DNAJC13: variants seen among roughly 807,000 people sequenced by gnomAD.
The protein encoded by DNAJC13 is dnaJ homolog subfamily C member 13.
A neutral mutation model predicts 290.5 loss-of-function variants in DNAJC13; 75 were observed. That is an observed-to-expected ratio of 0.26 (90% CI 0.21 to 0.31). The LOEUF (loss-of-function observed/expected upper bound fraction) is 0.31, where lower values mean the gene tolerates loss of function less well. Among genes scored for constraint, DNAJC13 ranks in the 10% least tolerant of loss-of-function variants. DNAJC13 has a pLI of 1.00. For missense variants in DNAJC13, 2,260 were observed against 2,674.5 expected (o/e 0.85, Z 3.42); for synonymous variants, 862 against 892.0 (o/e 0.97, Z 0.60).
chr3:132,454,857 C>G (rs1049978166), intron 9 of DNAJC13, among the ~76,000 whole-genome samples: 1 of 151,990 alleles, frequency 6.6e-6, no homozygotes, highest in African/African-American at 2.4e-5. Flanking sequence ...TTGTGAGATG[C>G]TTTATGTACG....
At chr3:132,442,230 C>G (rs1451146099) in intron 2 of DNAJC13, among the ~76,000 whole-genome samples, 1 of 151,814 alleles carries the variant, frequency 6.6e-6, no homozygotes, top group Non-Finnish European at 1.5e-5. Context: ...TCTTGGGGCT[C>G]AAGTGATCCT....
chr3:132,512,177 A>T (rs1388951819), intron 44 of DNAJC13, among the ~76,000 whole-genome samples: 1 of 152,166 alleles, frequency 6.6e-6, no homozygotes, highest in Non-Finnish European at 1.5e-5. Context: ...GGAACTTGTA[A>T]AGAGTTGAAG....
At chr3:132,508,049 C>G (rs75829362) in intron 43 of DNAJC13, among the ~76,000 whole-genome samples, 13 of 152,220 alleles carry the variant, frequency 8.5e-5, no homozygotes, top group African/African-American at 2.9e-4. Context: ...ATTGAAACAG[C>G]CTTATTGCTG....
At position 132,533,333 on chromosome 3, in the gene DNAJC13, C is replaced by CTTTTTT. The variant is rs1180651951; in HGVS notation, c.6625+2251_6625+2256dup. On this transcript the variant is annotated intron_variant, in intron 55 of 55. Coordinates refer to ENST00000260818, the MANE Select transcript of DNAJC13 (RefSeq NM_015268.4). ...AGGCGTGAGCCAGCATGCCCGCCCT[C>CTTTTTT]TTTTTTTTTTTTTTTTTTTTGAGAC... is the stretch of plus-strand genomic sequence containing the variant. Among the ~76,000 whole-genome samples, 73 of 115,694 alleles carry CTTTTTT rather than the reference C, an allele frequency of 6.3e-4. 3 individuals carry two copies. The highest frequency in any genetic ancestry group is 1.5e-3 in the Admixed American group (16 of 10,436). 75.9% of individuals were successfully genotyped at this position (115,694 alleles called of 152,430 possible). A position where few individuals can be genotyped will look rare whatever the true frequency, so the allele number is the denominator to read the frequency against.
At chr3:132,536,854 A>G (rs1012902537) in intron 55 of DNAJC13, among the ~76,000 whole-genome samples, 3 of 152,142 alleles carry the variant, frequency 2.0e-5, no homozygotes, top group Non-Finnish European at 4.4e-5. Flanking sequence ...GTACCTTAAA[A>G]AGGAGAAATA....
intron 22 of DNAJC13, among the ~76,000 whole-genome samples, chr3:132,477,579 T>A (rs1012632082): frequency 5.9e-5 from 9 of 152,210 alleles, no homozygotes; most frequent in Non-Finnish European, 1.3e-4. Flanking sequence ...CACCAGATAG[T>A]GCTGTGACAA....
At chr3:132,533,230 A>G (rs1324817570) in intron 55 of DNAJC13, among the ~76,000 whole-genome samples, 1 of 143,138 alleles carries the variant, frequency 7.0e-6, no homozygotes, top group Non-Finnish European at 1.5e-5. Flanking sequence ...TAATTTTTGT[A>G]TTTTTAGTAG....
intron 1 of DNAJC13, among the ~76,000 whole-genome samples, chr3:132,432,686 G>A (rs912728129): frequency 1.3e-5 from 2 of 152,150 alleles, no homozygotes; most frequent in Admixed American, 6.5e-5. Context: ...AATTAGCTAA[G>A]TTTACCTTTT....
chr3:132,419,436 T>A (rs1474777199), intron 1 of DNAJC13, among the ~76,000 whole-genome samples: 2 of 152,230 alleles, frequency 1.3e-5, no homozygotes, highest in Non-Finnish European at 2.9e-5. Context: ...TTGGAATAAT[T>A]TAACTTTATC....
chr3:132,461,276 A>T (rs1933786741), intron 15 of DNAJC13, 71 bp downstream of exon 15: 6 of 1,533,244 alleles, frequency 3.9e-6, no homozygotes, highest in Non-Finnish European at 5.4e-6. Flanking sequence ...CACTGTTTCT[A>T]AGATAACATT....
chr3:132,467,826 G>A (rs181563071), intron 20 of DNAJC13, among the ~76,000 whole-genome samples: 83 of 152,280 alleles, frequency 5.5e-4, no homozygotes, highest in Middle Eastern at 3.4e-3. Context: ...ATAGTTTTAT[G>A]AGTTGATGAT....
intron 43 of DNAJC13, among the ~76,000 whole-genome samples, chr3:132,507,779 C>T (rs1935641957): frequency 6.6e-6 from 1 of 152,142 alleles, no homozygotes; most frequent in South Asian, 2.1e-4. Flanking sequence ...CTCCCTATTC[C>T]CTGAGTCAAC....
intron 48 of DNAJC13, among the ~76,000 whole-genome samples, chr3:132,517,838 G>A (rs1161925939): frequency 6.6e-6 from 1 of 152,024 alleles, no homozygotes; most frequent in Non-Finnish European, 1.5e-5. Flanking sequence ...TTTCTTGCTC[G>A]ATCTCTCAGT....
chr3:132,531,130 C>G, intron 55 of DNAJC13, 33 bp downstream of exon 55: 1 of 1,590,420 alleles, frequency 6.3e-7, no homozygotes. Flanking sequence ...TTGTAAGACA[C>G]CTGGCAGAAG....
At chr3:132,511,357 A>G (rs1935774947) in intron 44 of DNAJC13, 113 bp downstream of exon 44, 2 of 1,221,028 alleles carry the variant, frequency 1.6e-6, no homozygotes, top group Admixed American at 4.7e-5. Flanking sequence ...GTTATAATGT[A>G]TTAATATAAC....
At chr3:132,481,666 T>G (rs1934678993) in intron 26 of DNAJC13, among the ~76,000 whole-genome samples, 1 of 152,162 alleles carries the variant, frequency 6.6e-6, no homozygotes, top group Non-Finnish European at 1.5e-5. Context: ...TGTAAAACAT[T>G]GATAGAGAAC....
chr3:132,446,332 A>G, intron 2 of DNAJC13, 143 bp from the exon 3 acceptor site: 1 of 566,872 alleles, frequency 1.8e-6, no homozygotes, highest in East Asian at 3.2e-5. Flanking sequence ...AAAGGTGAGA[A>G]TATATAACTA....
chr3:132,450,042 T>C (rs79150304), intron 5 of DNAJC13, among the ~76,000 whole-genome samples: 46 of 152,274 alleles, frequency 3.0e-4, no homozygotes, highest in Non-Finnish European at 5.0e-4. Context: ...CTTTAATTTG[T>C]GAAGGAATAT....
intron 52 of DNAJC13, 81 bp from the exon 53 acceptor site, chr3:132,526,060 A>AT (rs1936246538): frequency 1.3e-6 from 2 of 1,516,584 alleles, no homozygotes; most frequent in Non-Finnish European, 1.8e-6. Flanking sequence ...TTTTTTACTT[A>AT]TTTACTTATT....
Sources: allele counts gnomAD v4.1 joint callset (sites outside exome capture counted in the v4.1 genomes callset), GRCh38; gene constraint gnomAD v4.1.1; transcripts MANE v1.5; gene names NCBI Gene and HGNC (gene_info 2026-07-23, HGNC 2026-07-21).